The following FAM219A variants were observed in gnomAD, a reference collection of about 807,000 sequenced individuals.
FAM219A encodes the protein protein FAM219A.
Under a neutral mutation model 23.4 loss-of-function variants are expected in FAM219A, and 7 were observed. The observed-to-expected ratio is 0.30, with a 90% CI of 0.17 to 0.56. FAM219A has a LOEUF of 0.56. Ranked by LOEUF, FAM219A falls within the 20% of genes least tolerant of loss-of-function variation. The pLI, the probability that FAM219A is intolerant of heterozygous loss-of-function variation, is 0.92. For missense variants in FAM219A, 166 were observed against 246.9 expected (o/e 0.67, Z 2.20); for synonymous variants, 93 against 99.0 (o/e 0.94, Z 0.36).
Position 34,458,371 on chromosome 9 carries a change from C to T in FAM219A, c.-108G>A. ...CGGCGGGTGGTGCAGACTAGGCCTC[C>T]CCGGACCACTCGGGCGGGCAGGGGC... On this transcript the variant is annotated 5_prime_UTR_variant, in exon 1 of 6. Coordinates refer to ENST00000651358, the MANE Select transcript of FAM219A (RefSeq NM_001184940.2). The surrounding 1 kb of genome is among the most constrained non-coding windows in gnomAD (Gnocchi z 6.6). The T allele has an allele frequency of 1.3e-6, 1 of 753,122 alleles. No homozygotes were observed. The highest frequency in any genetic ancestry group is 1.8e-6 in the Non-Finnish European group (1 of 566,244). 46.7% of individuals were successfully genotyped at this position (753,122 alleles called of 1,614,324 possible). A position where few individuals can be genotyped will look rare whatever the true frequency, so the allele number is the denominator to read the frequency against.
At chr9:34,450,608 G>A (rs987001791) in intron 1 of FAM219A, among the ~76,000 whole-genome samples, 4 of 152,082 alleles carry the variant, frequency 2.6e-5, no homozygotes, top group African/African-American at 4.8e-5. Context: ...TAGTAGGGAC[G>A]GGATTTCAAC....
chr9:34,402,609 G>C, intron 3 of FAM219A, 96 bp downstream of exon 3: 1 of 1,555,196 alleles, frequency 6.4e-7, no homozygotes, highest in South Asian at 1.2e-5. Context: ...TCAGAGAGGA[G>C]CTGGGCCTGA....
chr9:34,425,462 A>G (rs1822425623), intron 1 of FAM219A, among the ~76,000 whole-genome samples: 1 of 152,216 alleles, frequency 6.6e-6, no homozygotes, highest in South Asian at 2.1e-4. Context: ...CCTGGGCAAC[A>G]AGAACAAAAC....
chr9:34,445,868 C>T (rs759405271), intron 1 of FAM219A, among the ~76,000 whole-genome samples: 15 of 152,096 alleles, frequency 9.9e-5, no homozygotes, highest in Non-Finnish European at 1.8e-4. Flanking sequence ...ATCTTTTCAC[C>T]TACCTTAAAA....
At position 34,400,231 on chromosome 9, in the gene FAM219A, CAGAT is replaced by C. The variant is rs956197779; in HGVS notation, c.*729_*732del. ...CAGGGTGGGGTGGGCTGGTGGCAGACAGATAGATGCATTGGTGAGGGGCCAATTA... is the reference window on the plus strand; with the variant it reads ...CAGGGTGGGGTGGGCTGGTGGCAGACAGATGCATTGGTGAGGGGCCAATTA... On this transcript the variant is annotated 3_prime_UTR_variant, in exon 6 of 6. Coordinates refer to ENST00000651358, the MANE Select transcript of FAM219A (RefSeq NM_001184940.2). 3 of 151,938 alleles carry C rather than the reference CAGAT, an allele frequency of 2.0e-5. No individual in the cohort carries two copies. The highest frequency in any genetic ancestry group is 1.9e-4 in the East Asian group (1 of 5,136). The allele number at this position is 151,938 out of a possible 1,614,324, so 9.4% of individuals were successfully genotyped here.
At chr9:34,428,953 A>AT (rs1243290618) in intron 1 of FAM219A, among the ~76,000 whole-genome samples, 9 of 152,140 alleles carry the variant, frequency 5.9e-5, no homozygotes, top group African/African-American at 2.2e-4. Flanking sequence ...TCCTCTGCAC[A>AT]TTTTTTCACC....
chr9:34,410,379 A>G (rs1001888136), intron 1 of FAM219A, among the ~76,000 whole-genome samples: 6 of 152,192 alleles, frequency 3.9e-5, no homozygotes, highest in African/African-American at 1.2e-4. Context: ...GAAAAAAACC[A>G]AAGTGTGGAA....
intron 1 of FAM219A, among the ~76,000 whole-genome samples, chr9:34,416,203 G>C (rs558260501): frequency 3.7e-5 from 3 of 81,018 alleles, no homozygotes; most frequent in Non-Finnish European, 4.9e-5. Context: ...AAGAAAGAAA[G>C]AAAGAAAGAA....
At chr9:34,421,205 G>T (rs62559877) in intron 1 of FAM219A, among the ~76,000 whole-genome samples, 2 of 151,732 alleles carry the variant, frequency 1.3e-5, no homozygotes, top group Non-Finnish European at 2.9e-5. Flanking sequence ...GGGAAGGGGA[G>T]GGTTAACCCT....
At chr9:34,421,009 T>TGTGAGAGAGAGAGAGAGAGAGA (rs1554677406) in intron 1 of FAM219A, among the ~76,000 whole-genome samples, 3 of 86,356 alleles carry the variant, frequency 3.5e-5, no homozygotes, top group Non-Finnish European at 4.4e-5. Flanking sequence ...TGTGTGTGTG[T>TGTGAGAGAGAGAGAGAGAGAGA]GAGAGAGAGA....
chr9:34,453,591 T>C (rs1031832542), intron 1 of FAM219A, among the ~76,000 whole-genome samples: 2 of 152,324 alleles, frequency 1.3e-5, no homozygotes, highest in Admixed American at 1.3e-4. Context: ...GTACCTGATC[T>C]GAGTAGATGC....
At chr9:34,401,219 A>T in intron 5 of FAM219A, 97 bp from the exon 6 acceptor site, 1 of 1,433,510 alleles carries the variant, frequency 7.0e-7, no homozygotes, top group Non-Finnish European at 9.6e-7. Context: ...CAGTCCAGCC[A>T]GTGCCCTGGA....
intron 1 of FAM219A, among the ~76,000 whole-genome samples, chr9:34,433,595 C>G (rs944775592): frequency 2.6e-5 from 4 of 152,186 alleles, no homozygotes; most frequent in African/African-American, 9.7e-5. Flanking sequence ...AAAAACTCCT[C>G]AACCTGACAT....
chr9:34,415,146 G>T (rs1426035414), intron 1 of FAM219A, among the ~76,000 whole-genome samples: 2 of 151,054 alleles, frequency 1.3e-5, no homozygotes, highest in Non-Finnish European at 2.9e-5. Context: ...TAGAGAGGGG[G>T]TCTCACTATG....
chr9:34,430,864 CAAT>C (rs899979533), intron 1 of FAM219A, among the ~76,000 whole-genome samples: 11 of 151,890 alleles, frequency 7.2e-5, no homozygotes, highest in South Asian at 2.1e-4. Flanking sequence ...ACAACAACAA[CAAT>C]AAGTTAAATG....
chr9:34,426,211 C>A (rs1220358413), intron 1 of FAM219A, among the ~76,000 whole-genome samples: 1 of 152,172 alleles, frequency 6.6e-6, no homozygotes, highest in East Asian at 1.9e-4. Context: ...CTCTTTCCAC[C>A]ACTCCCTTCT....
chr9:34,419,717 G>T (rs1431673267), intron 1 of FAM219A, among the ~76,000 whole-genome samples: 1 of 152,158 alleles, frequency 6.6e-6, no homozygotes, highest in Non-Finnish European at 1.5e-5. Flanking sequence ...TTTTTAGTAA[G>T]CTTCAATTAC....
chr9:34,438,181 T>C (rs1299584712), intron 1 of FAM219A, among the ~76,000 whole-genome samples: 4 of 152,244 alleles, frequency 2.6e-5, no homozygotes, highest in African/African-American at 9.6e-5. Flanking sequence ...GCTCGGGACC[T>C]GCAGCCCGCC....
rs1821389876 is a variant in FAM219A, at chr9:34,400,803, A to C, written c.*161T>G. 1 of 697,294 alleles carries C rather than the reference A, an allele frequency of 1.4e-6. No homozygotes were observed. The highest frequency in any genetic ancestry group is 3.3e-5 in the East Asian group (1 of 30,248). 43.2% of individuals were successfully genotyped at this position (697,294 alleles called of 1,614,324 possible). A position where few individuals can be genotyped will look rare whatever the true frequency, so the allele number is the denominator to read the frequency against. On this transcript the variant is annotated 3_prime_UTR_variant, in exon 6 of 6. Transcript: ENST00000651358. ...TCCAGCTCCATGAACACACAGAGGT[A>C]CACGTCCTACCATAGGAGGAAGCAA...
Sources: gnomAD v4.1 joint callset for allele counts (sites outside exome capture counted in the v4.1 genomes callset) on GRCh38, gnomAD v4.1.1 for gene constraint, Gnocchi (gnomAD v3.1) non-coding constraint, MANE v1.5 for transcripts, NCBI Gene and HGNC (gene_info 2026-07-23, HGNC 2026-07-21) for gene names.